The following IGSF9B variants were observed in gnomAD, a reference collection of about 807,000 sequenced individuals.
The protein encoded by IGSF9B is protein turtle homolog B.
IGSF9B carries 48 observed loss-of-function variants against 143.7 expected under a neutral mutation model. The observed-to-expected ratio is 0.33, with a 90% CI of 0.26 to 0.42. The LOEUF (loss-of-function observed/expected upper bound fraction) is 0.42. Among genes scored for constraint, IGSF9B ranks in the 20% least tolerant of loss-of-function variants. The pLI, the probability that IGSF9B is intolerant of heterozygous loss-of-function variation, is 1.00. For missense variants in IGSF9B, 1,706 were observed against 1,980.0 expected, an observed-to-expected ratio of 0.86 and a Z score of 2.63; for synonymous variants, 903 against 833.1, an observed-to-expected ratio of 1.08 and a Z score of -1.44.
rs752928407 is a variant in IGSF9B, at chr11:133,904,126, G to A, written c.*4943C>T. ...GAAGCCACTGTGCAACTTCATGGCC[G>A]GAAGGAAGCCTCTCTACCTCAAGAG... On this transcript the variant is annotated 3_prime_UTR_variant, in exon 20 of 20. Coordinates refer to ENST00000533871, the MANE Select transcript of IGSF9B (RefSeq NM_001277285.4). Among the ~76,000 whole-genome samples, 9 of 152,248 alleles carry A rather than the reference G, an allele frequency of 5.9e-5. No homozygotes were observed. The highest frequency in any genetic ancestry group is 2.1e-4 in the South Asian group (1 of 4,818).
At chr11:133,930,963 C>A in intron 11 of IGSF9B, 21 bp downstream of exon 11, 1 of 1,596,972 alleles carries the variant, frequency 6.3e-7, no homozygotes. Context: ...GCCGCCCGGC[C>A]CAGCCTTGCC....
intron 17 of IGSF9B, 93 bp from the exon 18 acceptor site, chr11:133,921,490 A>G: frequency 2.1e-6 from 2 of 972,822 alleles, no homozygotes; most frequent in Non-Finnish European, 2.9e-6. Context: ...CCCAGCACCC[A>G]GGATCCTCAC....
Position 133,907,523 on chromosome 11 carries a change from C to T in IGSF9B, c.*1546G>A, listed in dbSNP as rs946851479. Among the ~76,000 whole-genome samples the T allele has an allele frequency of 9.2e-5, 14 of 152,236 alleles. No homozygotes were observed. The highest frequency in any genetic ancestry group is 3.1e-4 in the African/African-American group (13 of 41,462). On this transcript the variant is annotated 3_prime_UTR_variant, in exon 20 of 20. Transcript: ENST00000533871. ...AGCCAAGCCAGAAGGGGGGCTCCTACACAAGAGTGGGGGAGGGGCAGATCT... is the reference window on the plus strand; with the variant it reads ...AGCCAAGCCAGAAGGGGGGCTCCTATACAAGAGTGGGGGAGGGGCAGATCT...
At chr11:133,951,180 G>C (rs1256794318) in intron 1 of IGSF9B, among the ~76,000 whole-genome samples, 1 of 152,188 alleles carries the variant, frequency 6.6e-6, no homozygotes, top group Non-Finnish European at 1.5e-5. Context: ...GAGGCGGCGG[G>C]GGAGAGACCT....
At chr11:133,947,708 T>TTCTCTCTCTCTCTCTCTCTCTCTCTC (rs112387633) in intron 1 of IGSF9B, among the ~76,000 whole-genome samples, 30 of 134,908 alleles carry the variant, frequency 2.2e-4, no homozygotes, top group Non-Finnish European at 3.2e-4. Context: ...TCTGTGTTTG[T>TTCTCTCTCTCTCTCTCTCTCTCTCTC]TCTCTCTCTC....
rs965545746 is a variant in IGSF9B at position 133,948,330 on chromosome 11, G to C, written c.65-2072C>G. 2.6e-5 allele frequency among the ~76,000 whole-genome samples: 4 copies of C among 152,276 alleles called. No homozygotes were observed. In the South Asian group the frequency reaches 8.3e-4, roughly 32 times the overall value. ...GTGACATCACAGTTTTCTAGAGAAA[G>C]AGCTAAGATCACAGAGTATTTTTGG... On this transcript the variant is annotated intron_variant, in intron 1 of 19. Transcript: ENST00000533871. This position sits in a 1 kb window ranked among gnomAD's most constrained non-coding sequence, Gnocchi z 4.7.
Position 133,907,011 on chromosome 11 carries a change from T to TA in IGSF9B, c.*2057_*2058insT, listed in dbSNP as rs1046622295. ...AAAGAACACAAAGAGTTGTGTGCTCTTCCATCTCGCAGAGCTGGTGCCCAG... is the reference window on the plus strand; with the variant it reads ...AAAGAACACAAAGAGTTGTGTGCTCTATCCATCTCGCAGAGCTGGTGCCCAG... On this transcript the variant is annotated 3_prime_UTR_variant, in exon 20 of 20. Transcript: ENST00000533871. Among the ~76,000 whole-genome samples the TA allele has an allele frequency of 6.6e-6, 1 of 152,126 alleles. No individual in the cohort carries two copies. Among genetic ancestry groups the TA allele is most frequent in the African/African-American group, 2.4e-5 (1 of 41,432 alleles).
Position 133,908,869 on chromosome 11 carries a change from G to A in IGSF9B, c.*200C>T, listed in dbSNP as rs539876173. 5.2e-6 allele frequency: 3 copies of A among 577,182 alleles called. No individual in the cohort carries two copies. The highest frequency in any genetic ancestry group is 3.0e-5 in the Admixed American group (1 of 32,990). The allele number at this position is 577,182 out of a possible 1,614,324, so 35.8% of individuals were successfully genotyped here. ...TCCACTTCCTGACCTCGACCCACAG[G>A]TGGAAGGTGTGCCCACCCTCCGTCC... On this transcript the variant is annotated 3_prime_UTR_variant, in exon 20 of 20. Coordinates refer to ENST00000533871, the MANE Select transcript of IGSF9B (RefSeq NM_001277285.4).
Position 133,913,754 on chromosome 11 carries a change from C to T in IGSF9B, c.3984-1747G>A, listed in dbSNP as rs1939336521. On this transcript the variant is annotated intron_variant, in intron 18 of 19. Coordinates refer to ENST00000533871, the MANE Select transcript of IGSF9B (RefSeq NM_001277285.4). The surrounding 1 kb of genome is among the most constrained non-coding windows in gnomAD (Gnocchi z 4.6). Reference sequence around the variant, plus strand: ...GGAAGGCAGACAAAGGGTGCAGGTGCCCGGGCGGGAGGCAGCACACCTTCC... The same window carrying T: ...GGAAGGCAGACAAAGGGTGCAGGTGTCCGGGCGGGAGGCAGCACACCTTCC... Among the ~76,000 whole-genome samples the T allele has an allele frequency of 1.3e-5, 2 of 152,344 alleles. No individual in the cohort carries two copies. Among genetic ancestry groups the T allele is most frequent in the South Asian group, 4.1e-4 (2 of 4,824 alleles).
In IGSF9B at chr11:133,907,647, C is replaced by T. The variant is rs933692256; in HGVS notation, c.*1422G>A. Among the ~76,000 whole-genome samples, 3 of 152,352 alleles carry T rather than the reference C, an allele frequency of 2.0e-5. No homozygotes were observed. Among genetic ancestry groups the T allele is most frequent in the East Asian group, 3.9e-4 (2 of 5,160 alleles). On this transcript the variant is annotated 3_prime_UTR_variant, in exon 20 of 20. Coordinates refer to ENST00000533871, the MANE Select transcript of IGSF9B (RefSeq NM_001277285.4). The stretch of plus-strand genomic sequence containing the variant: ...TTAGTGGGAAGATGATCTCAGGAAG[C>T]TTCTGGATGCTACGAGTTTGAACCA...
chr11:133,926,022 C>T (rs901709697), intron 13 of IGSF9B, 57 bp from the exon 14 acceptor site: 7 of 1,252,174 alleles, frequency 5.6e-6, no homozygotes, highest in African/African-American at 4.5e-5. Context: ...GGGCAGCCAC[C>T]GCACCCCCCA....
chr11:133,946,107 G>A lies in IGSF9B; in HGVS notation c.216C>T (p.Phe72=). The part of the protein sequence containing the change: ...WFKFGVPIPI[F]IKFGYYPPHV... ...GCGGCGGGTAGTAGCCAAACTTGAT[G>A]AAGATAGGGATGGGGACCCCGAACT... The change falls in exon 2 of 20, where the codon TTC becomes TTT. Residue 72 remains phenylalanine (F), a synonymous_variant. Transcript: ENST00000533871. 2 of 1,607,064 alleles carry A rather than the reference G, an allele frequency of 1.2e-6. No homozygotes were observed. The highest frequency in any genetic ancestry group is 8.5e-7 in the Non-Finnish European group (1 of 1,176,226).
rs549600376 is a variant in IGSF9B at position 133,946,584 on chromosome 11, C to T, written c.65-326G>A. 2.2e-4 allele frequency among the ~76,000 whole-genome samples: 33 copies of T among 152,318 alleles called. No homozygotes were observed. The South Asian group carries it at 6.8e-3, about 32-fold the overall frequency. On this transcript the variant is annotated intron_variant, in intron 1 of 19. Transcript: ENST00000533871. ...AGCCGCAGGCGTCATCCAGCCCCAC[C>T]CCCTGCTGGCATCCTGCCCCAAGAA...
chr11:133,945,436 C>T lies in IGSF9B; in HGVS notation c.262+625G>A, dbSNP rs879789601. Among the ~76,000 whole-genome samples the T allele has an allele frequency of 7.2e-5, 11 of 152,176 alleles. No individual in the cohort carries two copies. The highest frequency in any genetic ancestry group is 4.2e-4 in the South Asian group (2 of 4,818). On this transcript the variant is annotated intron_variant, in intron 2 of 19. Transcript: ENST00000533871. The surrounding 1 kb of genome is among the most constrained non-coding windows in gnomAD (Gnocchi z 4.6). ...TGCCTGCTTCCTCCCTTCCTTTCAA[C>T]CCCAACAACGCTCGCTCAATGACAC...
At chr11:133,940,705 C>T (rs1297737965) in intron 3 of IGSF9B, among the ~76,000 whole-genome samples, 3 of 147,874 alleles carry the variant, frequency 2.0e-5, no homozygotes, top group East Asian at 2.0e-4. Context: ...AAAAACACAC[C>T]TCGCATGTCC....
chr11:133,956,606 C>T, intron 1 of IGSF9B, 85 bp downstream of exon 1: 2 of 927,404 alleles, frequency 2.2e-6, no homozygotes, highest in Non-Finnish European at 3.3e-6. Context: ...ACCGGGGGGC[C>T]AAGGAGCCGG....
In IGSF9B at chr11:133,946,167, C is replaced by T. The variant is rs1338684777; in HGVS notation, c.156G>A (p.Thr52=). The T allele has an allele frequency of 2.5e-6, 4 of 1,613,350 alleles. No individual in the cohort carries two copies. Among genetic ancestry groups the T allele is most frequent in the Admixed American group, 1.7e-5 (1 of 59,948 alleles). The part of the protein sequence containing the change: ...VLRCDVIHPV[T]GQPPPYVVEW... ...CTACGACATAGGGTGGGGGCTGTCC[C>T]GTCACTGGGTGGATCACGTCGCATC... The change falls in exon 2 of 20, where the codon ACG becomes ACA. Residue 52 remains threonine, a synonymous_variant. Coordinates refer to ENST00000533871, the MANE Select transcript of IGSF9B (RefSeq NM_001277285.4).
intron 1 of IGSF9B, among the ~76,000 whole-genome samples, chr11:133,954,659 G>A (rs1440277561): frequency 7.9e-5 from 12 of 152,194 alleles, no homozygotes; most frequent in Non-Finnish European, 1.5e-4. Flanking sequence ...GTGACATTTA[G>A]AGAGGTTGAG....
chr11:133,906,344 G>A lies in IGSF9B; in HGVS notation c.*2725C>T, dbSNP rs112387763. 3.3e-5 allele frequency among the ~76,000 whole-genome samples: 5 copies of A among 152,190 alleles called. No homozygotes were observed. Among genetic ancestry groups the A allele is most frequent in the Admixed American group, 6.5e-5 (1 of 15,288 alleles). ...TTCCACCAATCCCATCGCCGTCCAC[G>A]GGCTGCAGGAGGGCTGCTGGCCTCC... On this transcript the variant is annotated 3_prime_UTR_variant, in exon 20 of 20. Transcript: ENST00000533871.
Sources: gnomAD v4.1 joint callset for allele counts (sites outside exome capture counted in the v4.1 genomes callset) on GRCh38, gnomAD v4.1.1 for gene constraint, Gnocchi (gnomAD v3.1) non-coding constraint, MANE v1.5 for transcripts, NCBI Gene and HGNC (gene_info 2026-07-23, HGNC 2026-07-21) for gene names.